TTLL7: variants seen among roughly 807,000 people sequenced by gnomAD.
TTLL7 encodes the protein tubulin polyglutamylase TTLL7.
TTLL7 carries 53 observed loss-of-function variants against 120.2 expected under a neutral mutation model. The ratio of observed to expected loss-of-function variants is 0.44; its 90% CI spans 0.35 to 0.55. The LOEUF (loss-of-function observed/expected upper bound fraction) is 0.55, where lower values mean the gene tolerates loss of function less well. Ranked by LOEUF, TTLL7 falls within the 20% of genes least tolerant of loss-of-function variation. The pLI, the probability that TTLL7 is intolerant of heterozygous loss-of-function variation, is 0.00. For synonymous variants in TTLL7, 353 were observed against 351.7 expected (o/e 1.00, Z -0.04); for missense variants, 803 against 1,054.7 (o/e 0.76, Z 3.31).
intron 14 of TTLL7, among the ~76,000 whole-genome samples, chr1:83,914,372 G>A (rs949151365): frequency 1.8e-5 from 2 of 111,454 alleles, no homozygotes; most frequent in African/African-American, 3.5e-5. Flanking sequence ...TTGCTCTGTC[G>A]CCAAGCCAGA....
chr1:83,960,509 G>T (rs567764147), intron 1 of TTLL7, among the ~76,000 whole-genome samples: 1 of 152,140 alleles, frequency 6.6e-6, no homozygotes, highest in Non-Finnish European at 1.5e-5. Context: ...CTAGCTTAAA[G>T]AATTGGGTAG....
chr1:83,895,212 G>C (rs548191845), intron 18 of TTLL7, among the ~76,000 whole-genome samples: 1 of 152,112 alleles, frequency 6.6e-6, no homozygotes, highest in East Asian at 1.9e-4. Context: ...GGAGTAAACT[G>C]TGCCCATCTT....
chr1:83,945,761 T>A (rs1648432889), intron 6 of TTLL7, among the ~76,000 whole-genome samples: 4 of 151,878 alleles, frequency 2.6e-5, no homozygotes, highest in South Asian at 4.1e-4. Context: ...TAAATATAGA[T>A]ATTTAATATT....
rs1653738876 is a variant in TTLL7, at chr1:83,998,946, C to G, written c.-192G>C. On this transcript the variant is annotated 5_prime_UTR_variant, in exon 1 of 21. Transcript: ENST00000260505. ...AGGTACTCACCCGGGTGAGGAAAGC[C>G]CAGCCCGGGTCCTCGCGTCCCCGCT... 1 of 426,290 alleles carries G rather than the reference C, an allele frequency of 2.3e-6. No individual in the cohort carries two copies. Among genetic ancestry groups the G allele is most frequent in the Admixed American group, 2.5e-5 (1 of 39,898 alleles). The allele number at this position is 426,290 out of a possible 1,614,324, so 26.4% of individuals were successfully genotyped here. A position where few individuals can be genotyped will look rare whatever the true frequency, so the allele number is the denominator to read the frequency against.
chr1:83,918,761 A>G (rs575060534), intron 13 of TTLL7, among the ~76,000 whole-genome samples: 4 of 152,170 alleles, frequency 2.6e-5, no homozygotes, highest in Non-Finnish European at 4.4e-5. Flanking sequence ...TTAGGTAAAA[A>G]GTAATGTAAA....
intron 1 of TTLL7, among the ~76,000 whole-genome samples, chr1:83,995,726 T>C (rs1653418920): frequency 6.6e-6 from 1 of 152,122 alleles, no homozygotes; most frequent in African/African-American, 2.4e-5. Context: ...CCTCATACCC[T>C]TTAACCCAGA....
chr1:83,885,262 C>T (rs1396799006), intron 19 of TTLL7, among the ~76,000 whole-genome samples: 4 of 151,926 alleles, frequency 2.6e-5, no homozygotes, highest in Non-Finnish European at 5.9e-5. Flanking sequence ...TAAAAGTCTA[C>T]CTCCATCACC....
intron 20 of TTLL7, among the ~76,000 whole-genome samples, chr1:83,875,505 G>T (rs559855731): frequency 5.3e-5 from 8 of 151,836 alleles, no homozygotes; most frequent in Admixed American, 5.3e-4. Context: ...TTCTAATAAG[G>T]GTCTTATGCA....
At chr1:83,901,729 T>A (rs1322163609) in intron 18 of TTLL7, among the ~76,000 whole-genome samples, 2 of 151,950 alleles carry the variant, frequency 1.3e-5, no homozygotes, top group African/African-American at 4.8e-5. Context: ...AAGCAAATAT[T>A]TGCTGAATGA....
In TTLL7 at chr1:83,933,711, C is replaced by T. The variant is rs1302819735; in HGVS notation, c.944G>A (p.Arg315Gln). 2 of 1,613,524 alleles carry T rather than the reference C, an allele frequency of 1.2e-6. No individual in the cohort carries two copies. The highest frequency in any genetic ancestry group is 1.7e-5 in the Admixed American group (1 of 59,972). ...VAEPHVLHAY[R>Q]MCRPGQPPGS... ...TGGAGGTTGACCAGGTCTACACATTCGATAGGCATGCAGGACATGAGGTTC... is the reference window on the plus strand; with the variant it reads ...TGGAGGTTGACCAGGTCTACACATTTGATAGGCATGCAGGACATGAGGTTC... The change falls in exon 9 of 21, where the codon CGA (arginine) becomes CAA (glutamine). Residue 315 changes from arginine to glutamine, a missense_variant. By Grantham distance (43) the Arg-to-Gln change is conservative (BLOSUM62 1). Transcript: ENST00000260505.
chr1:83,942,720 G>A (rs1268348213), intron 6 of TTLL7, 41 bp from the exon 7 acceptor site: 3 of 1,452,064 alleles, frequency 2.1e-6, no homozygotes, highest in Admixed American at 2.0e-5. Context: ...ATTTGACATA[G>A]AGCAAGGTGT....
intron 1 of TTLL7, among the ~76,000 whole-genome samples, chr1:83,994,970 A>C (rs1409405474): frequency 6.6e-6 from 1 of 152,172 alleles, no homozygotes; most frequent in African/African-American, 2.4e-5. Context: ...CAAATACAAC[A>C]CTGGAACCAG....
chr1:83,946,001 T>G (rs567655664), intron 6 of TTLL7: 18 of 152,310 alleles, frequency 1.2e-4, no homozygotes, highest in African/African-American at 3.8e-4. Flanking sequence ...ATAATTTACC[T>G]GGTAGCTATA....
rs1411500155 is a variant in TTLL7, at chr1:83,930,684, C to A, written c.1048-1454G>T. Among the ~76,000 whole-genome samples the A allele has an allele frequency of 2.0e-5, 3 of 152,072 alleles. No individual in the cohort carries two copies. In the South Asian group the frequency reaches 6.2e-4, roughly 32 times the overall value. ...ATATGTGACATGGTTATAAACTAAACCAGACATTAAAGAACTGATGAGTCA... is the reference window on the plus strand; with the variant it reads ...ATATGTGACATGGTTATAAACTAAAACAGACATTAAAGAACTGATGAGTCA... On this transcript the variant is annotated intron_variant, in intron 9 of 20. Coordinates refer to ENST00000260505, the MANE Select transcript of TTLL7 (RefSeq NM_024686.6).
At chr1:83,996,558 ATTTCTCT>A in intron 1 of TTLL7, among the ~76,000 whole-genome samples, 1 of 152,212 alleles carries the variant, frequency 6.6e-6, no homozygotes, top group South Asian at 2.1e-4. Flanking sequence ...AGGCTCTACT[ATTTCTCT>A]TTTCTCTTAA....
intron 1 of TTLL7, among the ~76,000 whole-genome samples, chr1:83,976,365 A>G (rs1464762739): frequency 1.3e-5 from 2 of 151,916 alleles, no homozygotes; most frequent in African/African-American, 4.8e-5. Context: ...AACTCATTAT[A>G]TCATATATTT....
At chr1:83,874,704 A>C (rs1255476059) in intron 20 of TTLL7, among the ~76,000 whole-genome samples, 1 of 151,950 alleles carries the variant, frequency 6.6e-6, no homozygotes, top group African/African-American at 2.4e-5. Context: ...CTGTGGTTTT[A>C]ACTTCAATTT....
chr1:83,975,017 C>A (rs989069707), intron 1 of TTLL7, among the ~76,000 whole-genome samples: 1 of 152,016 alleles, frequency 6.6e-6, no homozygotes, highest in Non-Finnish European at 1.5e-5. Flanking sequence ...CATTACTTGA[C>A]AGAATAACAA....
intron 1 of TTLL7, among the ~76,000 whole-genome samples, chr1:83,972,137 T>C (rs1011554995): frequency 6.6e-6 from 1 of 152,076 alleles, no homozygotes; most frequent in South Asian, 2.1e-4. Context: ...ATAGTTTACA[T>C]AGGGTTTACA....
Sources: gnomAD v4.1 joint callset for allele counts (sites outside exome capture counted in the v4.1 genomes callset) on GRCh38, gnomAD v4.1.1 for gene constraint, MANE v1.5 for transcripts, NCBI Gene and HGNC (gene_info 2026-07-23, HGNC 2026-07-21) for gene names.